The following PREX1 variants were observed in gnomAD, a reference collection of about 807,000 sequenced individuals.
The protein encoded by PREX1 is phosphatidylinositol 3,4,5-trisphosphate-dependent Rac exchanger 1 protein.
PREX1 carries 41 observed loss-of-function variants against 198.3 expected under a neutral mutation model. The observed-to-expected ratio is 0.21, with a 90% CI of 0.16 to 0.27. The LOEUF is 0.27. PREX1 is among the 10% of genes least tolerant of loss of function. The pLI, the probability that PREX1 is intolerant of heterozygous loss-of-function variation, is 1.00. For synonymous variants in PREX1, 843 were observed against 887.2 expected, an observed-to-expected ratio of 0.95 and a Z score of 0.89; for missense variants, 1,620 against 2,200.7, an observed-to-expected ratio of 0.74 and a Z score of 5.28.
intron 33 of PREX1, among the ~76,000 whole-genome samples, chr20:48,634,175 C>CATGGATGG (rs779106334): frequency 5.3e-5 from 4 of 75,024 alleles, no homozygotes; most frequent in Non-Finnish European, 8.6e-5. Flanking sequence ...TGGATGGATG[C>CATGGATGG]ATGGATGGAT....
At chr20:48,882,383 T>C in the PREX1 span, among the ~76,000 whole-genome samples, 1 of 151,100 alleles carries the variant, frequency 6.6e-6, no homozygotes, top group South Asian at 2.1e-4. Flanking sequence ...GCGCCTGTAG[T>C]CCCAGCTACT....
At chr20:48,661,444 A>AAAAT (rs1555832820) in intron 15 of PREX1, among the ~76,000 whole-genome samples, 23 of 49,580 alleles carry the variant, frequency 4.6e-4, no homozygotes, top group African/African-American at 7.4e-4. Flanking sequence ...AAAAAAAAAA[A>AAAAT]ATATATATAT....
intron 16 of PREX1, among the ~76,000 whole-genome samples, chr20:48,659,456 G>T (rs949271020): frequency 6.6e-6 from 1 of 151,966 alleles, no homozygotes; most frequent in Non-Finnish European, 1.5e-5. Context: ...GAAATCAGAG[G>T]GAACAGCAGT....
intron 15 of PREX1, among the ~76,000 whole-genome samples, chr20:48,665,425 CTGA>C (rs2089631675): frequency 6.6e-6 from 1 of 151,434 alleles, no homozygotes; most frequent in Admixed American, 6.6e-5. Context: ...AATTCTAATC[CTGA>C]CTCCAGACGG....
intron 16 of PREX1, among the ~76,000 whole-genome samples, chr20:48,658,590 A>G (rs1470141556): frequency 6.6e-6 from 1 of 152,222 alleles, no homozygotes; most frequent in East Asian, 1.9e-4. Flanking sequence ...GTCAACAGAC[A>G]TTGATTGAGA....
At chr20:48,630,883 G>A in intron 35 of PREX1, 89 bp from the exon 36 acceptor site, 1 of 976,334 alleles carries the variant, frequency 1.0e-6, no homozygotes, top group Non-Finnish European at 1.6e-6. Context: ...CAGCCACCGT[G>A]ACTCCGCCCT....
intron 37 of PREX1, among the ~76,000 whole-genome samples, chr20:48,628,834 G>A (rs1192059693): frequency 6.6e-6 from 1 of 152,206 alleles, no homozygotes; most frequent in Non-Finnish European, 1.5e-5. Flanking sequence ...TCTCAGGCCA[G>A]GCACTGCTCT....
At chr20:48,686,617 G>C (rs2089786367) in intron 10 of PREX1, among the ~76,000 whole-genome samples, 1 of 152,210 alleles carries the variant, frequency 6.6e-6, no homozygotes, top group African/African-American at 2.4e-5. Flanking sequence ...TTTCCTGTGG[G>C]ATTAGGAGTT....
At chr20:48,793,422 G>A (rs906685639) in intron 1 of PREX1, among the ~76,000 whole-genome samples, 1 of 152,120 alleles carries the variant, frequency 6.6e-6, no homozygotes, top group Non-Finnish European at 1.5e-5. Flanking sequence ...TATGGCATGT[G>A]AATTATACTC....
At chr20:48,665,957 C>T (rs1447545261) in intron 15 of PREX1, among the ~76,000 whole-genome samples, 1 of 152,212 alleles carries the variant, frequency 6.6e-6, no homozygotes, top group African/African-American at 2.4e-5. Flanking sequence ...CTCACGGAGG[C>T]CTTCGGGCCA....
At chr20:48,648,316 G>A (rs73142111) in intron 25 of PREX1, among the ~76,000 whole-genome samples, 23,903 of 152,154 alleles carry the variant, frequency 0.16, 2,213 homozygotes, top group Middle Eastern at 0.3. Context: ...GTTCTCAAGT[G>A]GGGGCAATTT....
chr20:48,734,399 G>T, intron 4 of PREX1, 147 bp downstream of exon 4: 1 of 726,044 alleles, frequency 1.4e-6, no homozygotes, highest in Non-Finnish European at 2.4e-6. Flanking sequence ...TATGGAAAAG[G>T]CTTGGCGATC....
chr20:48,753,924 A>C (rs1219174394), intron 1 of PREX1, among the ~76,000 whole-genome samples: 1 of 152,240 alleles, frequency 6.6e-6, no homozygotes, highest in Non-Finnish European at 1.5e-5. Flanking sequence ...TTATCAATTA[A>C]GTATGGATAG....
intron 33 of PREX1, among the ~76,000 whole-genome samples, chr20:48,633,672 G>A (rs779822677): frequency 1.1e-4 from 17 of 152,108 alleles, no homozygotes; most frequent in East Asian, 1.9e-4. Context: ...CAGGGGCCAC[G>A]CTCTGAGAAC....
At chr20:48,655,986 G>A (rs528436282) in intron 18 of PREX1, among the ~76,000 whole-genome samples, 62 of 152,154 alleles carry the variant, frequency 4.1e-4, no homozygotes, top group Non-Finnish European at 7.8e-4. Flanking sequence ...AGATAAAGCC[G>A]AGCTGGGAGC....
At position 48,653,483 on chromosome 20, in the gene PREX1, C is replaced by A. The variant is rs896404801; in HGVS notation, c.2224G>T (p.Ala742Ser). 5.0e-6 allele frequency: 8 copies of A among 1,611,844 alleles called. No individual in the cohort carries two copies. The highest frequency in any genetic ancestry group is 6.8e-6 in the Non-Finnish European group (8 of 1,178,866). Residue 742 changes from alanine to serine, a missense_variant, in exon 20 of 40, where the codon GCT (alanine) becomes TCT (serine). Coordinates refer to ENST00000371941, the MANE Select transcript of PREX1 (RefSeq NM_020820.4). ...CACTGACCAGCACAGAGCCCTGCAGCCATGGCCTCAGAGCCTAAGGGGAAC... is the reference window on the plus strand; with the variant it reads ...CACTGACCAGCACAGAGCCCTGCAGACATGGCCTCAGAGCCTAAGGGGAAC... The part of the protein sequence containing the change: ...YAVGRGSEAM[A>S]AGLCAGQCIL...
intron 11 of PREX1, among the ~76,000 whole-genome samples, chr20:48,680,193 T>C (rs554874047): frequency 7.0e-4 from 106 of 152,292 alleles, no homozygotes; most frequent in African/African-American, 2.4e-3. Context: ...CACAAAGTCA[T>C]GCTTGATGCT....
At chr20:48,644,325 G>C in intron 27 of PREX1, 84 bp downstream of exon 27, 2 of 1,158,576 alleles carry the variant, frequency 1.7e-6, no homozygotes, top group South Asian at 1.3e-5. Flanking sequence ...TAATGCAGAG[G>C]AAAGTATAAT....
intron 1 of PREX1, among the ~76,000 whole-genome samples, chr20:48,755,166 T>C (rs2090151268): frequency 6.6e-6 from 1 of 152,202 alleles, no homozygotes; most frequent in Non-Finnish European, 1.5e-5. Context: ...GGAAAAGGAC[T>C]GTTGATGTAT....
Sources: gnomAD v4.1 joint callset for allele counts (sites outside exome capture counted in the v4.1 genomes callset) on GRCh38, gnomAD v4.1.1 for gene constraint, MANE v1.5 for transcripts, NCBI Gene and HGNC (gene_info 2026-07-23, HGNC 2026-07-21) for gene names.